Variants in OR5T1 observed in about 807,000 individuals in gnomAD.
OR5T1 encodes olfactory receptor 5T1.
In OR5T1, 14 loss-of-function variants were observed where a neutral mutation model predicts 10.1. The observed-to-expected ratio is 1.39, with a 90% CI of 0.92 to 2.18. The LOEUF (loss-of-function observed/expected upper bound fraction) is 2.18. OR5T1 is among the 30% of genes most tolerant of loss of function. The pLI, the probability that OR5T1 is intolerant of heterozygous loss-of-function variation, is 0.00. For synonymous variants in OR5T1, 166 were observed against 141.2 expected, an observed-to-expected ratio of 1.18 and a Z score of -1.24; for missense variants, 461 against 383.9, an observed-to-expected ratio of 1.20 and a Z score of -1.68.
rs1853933127 is a variant in OR5T1 at position 56,275,936 on chromosome 11, A to G, written c.298A>G (p.Lys100Glu). 3 of 1,614,208 alleles carry G rather than the reference A, an allele frequency of 1.9e-6. No homozygotes were observed. The highest frequency in any genetic ancestry group is 2.5e-6 in the Non-Finnish European group (3 of 1,180,038). The change falls in exon 3 of 3, where the codon AAA becomes GAA. Residue 100 changes from lysine to glutamate, a missense_variant. Transcript: ENST00000641665. ...TPKMLVNFLA[K>E]NKSISFLGCA... Reference sequence around the variant, plus strand: ...AAAAATGTTGGTCAATTTCCTGGCAAAAAATAAATCTATTTCATTTCTTGG... The same window carrying G: ...AAAAATGTTGGTCAATTTCCTGGCAGAAAATAAATCTATTTCATTTCTTGG...
chr11:56,275,906 A>G lies in OR5T1; in HGVS notation c.268A>G (p.Thr90Ala), dbSNP rs1420581912. 6.2e-7 allele frequency: 1 copy of G among 1,614,020 alleles called. No homozygotes were observed. Among genetic ancestry groups the G allele is most frequent in the South Asian group, 1.1e-5 (1 of 91,086 alleles). ...GGATGTCTGCTATTCTACAGTTGTC[A>G]CTCCAAAAATGTTGGTCAATTTCCT... ...FLDVCYSTVV[T>A]PKMLVNFLAK... Residue 90 changes from threonine (T) to alanine (A), a missense_variant, in exon 3 of 3, where the codon ACT becomes GCT. By Grantham distance (58) the Thr-to-Ala change is moderately conservative (BLOSUM62 0). Transcript: ENST00000641665.
At position 56,276,508 on chromosome 11, in the gene OR5T1, T is replaced by C. The variant is rs1853951626; in HGVS notation, c.870T>C (p.Tyr290=). The C allele has an allele frequency of 6.2e-7, 1 of 1,613,992 alleles. No homozygotes were observed. The highest frequency in any genetic ancestry group is 8.5e-7 in the Non-Finnish European group (1 of 1,179,850). The change falls in exon 3 of 3, where the codon TAT becomes TAC. Residue 290 remains tyrosine (Y), a synonymous_variant. Transcript: ENST00000641665. ...ATGACATGATAGTGTCAATATTTTATACCATTGTGATTCCCATGCTGAATC... is the reference window on the plus strand; with the variant it reads ...ATGACATGATAGTGTCAATATTTTACACCATTGTGATTCCCATGCTGAATC... The part of the protein sequence containing the change: ...SDNDMIVSIF[Y]TIVIPMLNPI...
rs1349325499 is a variant in OR5T1, at chr11:56,274,706, A to C, written c.-201A>C. ...ACCAAATTCTTTTGGTTTGCAAACA[A>C]GGTGCATCTATCTCCAGAATCAAAT... is the stretch of plus-strand genomic sequence containing the variant. On this transcript the variant is annotated 5_prime_UTR_variant, in exon 2 of 3. Transcript: ENST00000641665. 1 of 152,112 alleles carries C rather than the reference A, an allele frequency of 6.6e-6. No homozygotes were observed. Among genetic ancestry groups the C allele is most frequent in the Non-Finnish European group, 1.5e-5 (1 of 68,006 alleles). 9.4% of individuals were successfully genotyped at this position (152,112 alleles called of 1,614,324 possible).
Position 56,275,691 on chromosome 11 carries a change from T to G in OR5T1, c.53T>G (p.Phe18Cys). ...MDLYKLQLNNFTEVTMFILIS... is the reference protein window; with the variant it reads ...MDLYKLQLNNCTEVTMFILIS... ...CTATACAAGCTTCAATTAAACAATT[T>G]TACTGAAGTCACCATGTTTATATTA... The change falls in exon 3 of 3, where the codon TTT becomes TGT. Residue 18 changes from phenylalanine to cysteine, a missense_variant. Coordinates refer to ENST00000641665, the MANE Select transcript of OR5T1 (RefSeq NM_001004745.2). The G allele has an allele frequency of 1.2e-6, 2 of 1,608,008 alleles. No homozygotes were observed. Among genetic ancestry groups the G allele is most frequent in the Non-Finnish European group, 1.7e-6 (2 of 1,176,526 alleles).
chr11:56,275,728 A>G lies in OR5T1; in HGVS notation c.90A>G (p.Thr30=), dbSNP rs1853928817. The G allele has an allele frequency of 6.2e-7, 1 of 1,610,060 alleles. No individual in the cohort carries two copies. Among genetic ancestry groups the G allele is most frequent in the Non-Finnish European group, 8.5e-7 (1 of 1,176,498 alleles). The stretch of plus-strand genomic sequence containing the variant: ...CCATGTTTATATTAATAAGCTTCAC[A>G]GAAGAATTTGATGTGCAAGTCTTCC... ...EVTMFILISF[T]EEFDVQVFLF... The change falls in exon 3 of 3, where the codon ACA becomes ACG. Residue 30 remains threonine (T), a synonymous_variant. Transcript: ENST00000641665.
In OR5T1 at chr11:56,276,151, T is replaced by C. The variant is rs1196317372; in HGVS notation, c.513T>C (p.His171=). Residue 171 remains histidine (H), a synonymous_variant, in exon 3 of 3, where the codon CAT becomes CAC. Transcript: ENST00000641665. The part of the protein sequence containing the change: ...YVASILHATI[H]TVATFSLSFC... ...CTAGCATTTTACATGCTACTATACA[T>C]ACAGTGGCTACATTTAGCCTGTCCT... The C allele has an allele frequency of 5.0e-6, 8 of 1,614,056 alleles. No individual in the cohort carries two copies. Among genetic ancestry groups the C allele is most frequent in the Non-Finnish European group, 6.8e-6 (8 of 1,180,026 alleles).
Position 56,275,464 on chromosome 11 carries a change from TATTTA to T in OR5T1, c.-153-16_-153-12del, listed in dbSNP as rs1365886397. The T allele has an allele frequency of 2.1e-6, 1 of 473,670 alleles. No homozygotes were observed. Among genetic ancestry groups the T allele is most frequent in the Non-Finnish European group, 3.7e-6 (1 of 267,946 alleles). 29.3% of individuals were successfully genotyped at this position (473,670 alleles called of 1,614,324 possible). A position where few individuals can be genotyped will look rare whatever the true frequency, so the allele number is the denominator to read the frequency against. On this transcript the variant is annotated splice_polypyrimidine_tract_variant and intron_variant, in intron 2 of 2. Transcript: ENST00000641665. ...TAGTGCATGATTGAATAAAATAATT[TATTTA>T]ATTTATTTAATTACAGTAATGTATC...
rs544511198 is a variant in OR5T1, at chr11:56,276,343, G to A, written c.705G>A (p.Leu235=). Reference sequence around the variant, plus strand: ...TGATCTCCTATGGTTTTATTCTGTTGGCCATTCTGAAGATGCAGTCTGCTG... The same window carrying A: ...TGATCTCCTATGGTTTTATTCTGTTAGCCATTCTGAAGATGCAGTCTGCTG... The part of the protein sequence containing the change: ...IVLISYGFIL[L]AILKMQSAEG... The change falls in exon 3 of 3, where the codon TTG becomes TTA. Residue 235 remains leucine, a synonymous_variant. Coordinates refer to ENST00000641665, the MANE Select transcript of OR5T1 (RefSeq NM_001004745.2). 6.2e-7 allele frequency: 1 copy of A among 1,613,986 alleles called. No homozygotes were observed. Among genetic ancestry groups the A allele is most frequent in the Non-Finnish European group, 8.5e-7 (1 of 1,180,000 alleles).
Position 56,275,961 on chromosome 11 carries a change from G to T in OR5T1, c.323G>T (p.Gly108Val). Residue 108 changes from glycine to valine, a missense_variant, in exon 3 of 3, where the codon GGA (glycine) becomes GTA (valine). Physicochemically the swap from Gly to Val is moderately radical, Grantham distance 109 (BLOSUM62 -3). Coordinates refer to ENST00000641665, the MANE Select transcript of OR5T1 (RefSeq NM_001004745.2). ...AAAAATAAATCTATTTCATTTCTTG[G>T]ATGTGCAACACAGATGTTTCTTGCT... ...LAKNKSISFL[G>V]CATQMFLACT... The T allele has an allele frequency of 6.2e-7, 1 of 1,614,110 alleles. No homozygotes were observed. The highest frequency in any genetic ancestry group is 8.5e-7 in the Non-Finnish European group (1 of 1,180,022).
Position 56,276,460 on chromosome 11 carries a change from A to G in OR5T1, c.822A>G (p.Pro274=), listed in dbSNP as rs144926443. 3 of 1,614,078 alleles carry G rather than the reference A, an allele frequency of 1.9e-6. No homozygotes were observed. The highest frequency in any genetic ancestry group is 2.5e-6 in the Non-Finnish European group (3 of 1,179,962). Residue 274 remains proline, a synonymous_variant, in exon 3 of 3, where the codon CCA becomes CCG. Transcript: ENST00000641665. Reference sequence around the variant, plus strand: ...CAATCCTCTTCATGTATGTGAGACCAAGTTCCAGCTACACTTCGGACAATG... The same window carrying G: ...CAATCCTCTTCATGTATGTGAGACCGAGTTCCAGCTACACTTCGGACAATG... ...HGTILFMYVR[P]SSSYTSDNDM... is the part of the protein sequence containing the mutation.
chr11:56,276,446 A>G lies in OR5T1; in HGVS notation c.808A>G (p.Met270Val). 1 of 1,613,976 alleles carries G rather than the reference A, an allele frequency of 6.2e-7. No individual in the cohort carries two copies. Among genetic ancestry groups the G allele is most frequent in the Non-Finnish European group, 8.5e-7 (1 of 1,179,920 alleles). ...VTIYHGTILF[M>V]YVRPSSSYTS... ...AATTTATCATGGGACAATCCTCTTCATGTATGTGAGACCAAGTTCCAGCTA... is the reference window on the plus strand; with the variant it reads ...AATTTATCATGGGACAATCCTCTTCGTGTATGTGAGACCAAGTTCCAGCTA... The change falls in exon 3 of 3, where the codon ATG becomes GTG. Residue 270 changes from methionine (M) to valine (V), a missense_variant. Coordinates refer to ENST00000641665, the MANE Select transcript of OR5T1 (RefSeq NM_001004745.2).
Position 56,276,240 on chromosome 11 carries a change from G to T in OR5T1, c.602G>T (p.Cys201Phe), listed in dbSNP as rs773014367. Residue 201 changes from cysteine (C) to phenylalanine (F), a missense_variant, in exon 3 of 3, where the codon TGT (cysteine) becomes TTT (phenylalanine). Cys to Phe is a radical substitution (Grantham distance 205, BLOSUM62 -2). Transcript: ENST00000641665. ...ATGCCTCCTCTGCTTGCTATTTCTT[G>T]TTCTGACACTCACGTAATCCAGCTT... ...CNMPPLLAIS[C>F]SDTHVIQLLF... 1.9e-6 allele frequency: 3 copies of T among 1,613,878 alleles called. No homozygotes were observed. In the African/African-American group the frequency reaches 4.0e-5, roughly 22 times the overall value.
At chr11:56,274,536 T>A (rs1048108916) in intron 1 of OR5T1, 100 bp from the exon 2 acceptor site, 5 of 152,078 alleles carry the variant, frequency 3.3e-5, no homozygotes, top group Admixed American at 3.3e-4. Flanking sequence ...TCATATAAAT[T>A]GACACGTCTG....
rs1318127646 is a variant in OR5T1, at chr11:56,276,169, C to A, written c.531C>A (p.Ser177Arg). 1.2e-6 allele frequency: 2 copies of A among 1,613,964 alleles called. No individual in the cohort carries two copies. Among genetic ancestry groups the A allele is most frequent in the African/African-American group, 2.7e-5 (2 of 74,902 alleles). The change falls in exon 3 of 3, where the codon AGC becomes AGA. Residue 177 changes from serine (S) to arginine (R), a missense_variant. Transcript: ENST00000641665. Reference sequence around the variant, plus strand: ...CTATACATACAGTGGCTACATTTAGCCTGTCCTTCTGTGGATCCAATGAAA... The same window carrying A: ...CTATACATACAGTGGCTACATTTAGACTGTCCTTCTGTGGATCCAATGAAA... ...HATIHTVATF[S>R]LSFCGSNEIR...
rs1464877674 is a variant in OR5T1, at chr11:56,276,157, G to A, written c.519G>A (p.Val173=). 6.2e-7 allele frequency: 1 copy of A among 1,614,092 alleles called. No individual in the cohort carries two copies. Among genetic ancestry groups the A allele is most frequent in the South Asian group, 1.1e-5 (1 of 91,082 alleles). ...ASILHATIHT[V]ATFSLSFCGS... is the part of the protein sequence containing the mutation. Reference sequence around the variant, plus strand: ...TTTTACATGCTACTATACATACAGTGGCTACATTTAGCCTGTCCTTCTGTG... The same window carrying A: ...TTTTACATGCTACTATACATACAGTAGCTACATTTAGCCTGTCCTTCTGTG... The change falls in exon 3 of 3, where the codon GTG becomes GTA. Residue 173 remains valine (V), a synonymous_variant. Transcript: ENST00000641665.
At position 56,276,625 on chromosome 11, in the gene OR5T1, A is replaced by C. The variant is rs767344674; in HGVS notation, c.*6A>C. On this transcript the variant is annotated 3_prime_UTR_variant, in exon 3 of 3. Coordinates refer to ENST00000641665, the MANE Select transcript of OR5T1 (RefSeq NM_001004745.2). ...GGTTCATAAATAAGTTATAGTTTTA[A>C]AATTGAGTAAAGTTGCAAATAATAT... 11 of 1,589,184 alleles carry C rather than the reference A, an allele frequency of 6.9e-6. No homozygotes were observed. The highest frequency in any genetic ancestry group is 7.7e-6 in the Non-Finnish European group (9 of 1,165,482).
chr11:56,275,818 G>C lies in OR5T1; in HGVS notation c.180G>C (p.Pro60=), dbSNP rs145314711. 3.1e-6 allele frequency: 5 copies of C among 1,613,230 alleles called. No homozygotes were observed. The South Asian group carries it at 5.5e-5, about 18-fold the overall frequency. Residue 60 remains proline (P), a synonymous_variant, in exon 3 of 3, where the codon CCG becomes CCC. Coordinates refer to ENST00000641665, the MANE Select transcript of OR5T1 (RefSeq NM_001004745.2). ...TAGGCAATTTAGGGCTGGTTGTACC[G>C]ATCATTGGGGATTTCTGGCTTCACA... ...TLIGNLGLVV[P]IIGDFWLHSP... is the part of the protein sequence containing the mutation.
chr11:56,274,707 G>A lies in OR5T1; in HGVS notation c.-200G>A, dbSNP rs1457376231. 6.6e-6 allele frequency: 1 copy of A among 151,598 alleles called. No individual in the cohort carries two copies. The highest frequency in any genetic ancestry group is 1.5e-5 in the Non-Finnish European group (1 of 67,940). 9.4% of individuals were successfully genotyped at this position (151,598 alleles called of 1,614,324 possible). On this transcript the variant is annotated 5_prime_UTR_variant, in exon 2 of 3. Transcript: ENST00000641665. ...CCAAATTCTTTTGGTTTGCAAACAA[G>A]GTGCATCTATCTCCAGAATCAAATC...
At position 56,276,083 on chromosome 11, in the gene OR5T1, T is replaced by C. The variant is rs1853936811; in HGVS notation, c.445T>C (p.Ser149Pro). ...YNPLLYSVSMSPRVYVPLITA... is the reference protein window; with the variant it reads ...YNPLLYSVSMPPRVYVPLITA... ...CCCTCTCCTGTATTCAGTGAGCATG[T>C]CACCCAGAGTCTATGTGCCACTCAT... Residue 149 changes from serine (S) to proline (P), a missense_variant, in exon 3 of 3, where the codon TCA (serine) becomes CCA (proline). Ser to Pro is a moderately conservative substitution (Grantham distance 74, BLOSUM62 -1). Coordinates refer to ENST00000641665, the MANE Select transcript of OR5T1 (RefSeq NM_001004745.2). The C allele has an allele frequency of 1.9e-6, 3 of 1,614,082 alleles. No homozygotes were observed. Among genetic ancestry groups the C allele is most frequent in the African/African-American group, 2.7e-5 (2 of 74,940 alleles).
Sources: gnomAD v4.1 joint callset for allele counts on GRCh38, gnomAD v4.1.1 for gene constraint, MANE v1.5 for transcripts, NCBI Gene and HGNC (gene_info 2026-07-23, HGNC 2026-07-21) for gene names.